SRGAP1: variants seen among roughly 807,000 people sequenced by gnomAD.
SRGAP1 encodes SLIT-ROBO Rho GTPase activating protein 1.
SRGAP1 carries 43 observed loss-of-function variants against 121.9 expected under a neutral mutation model. The ratio of observed to expected loss-of-function variants is 0.35; its 90% CI spans 0.28 to 0.46. The LOEUF (loss-of-function observed/expected upper bound fraction) is 0.46, where lower values mean the gene tolerates loss of function less well. SRGAP1 is among the 20% of genes least tolerant of loss of function. The pLI is 1.00. For missense variants in SRGAP1, 1,102 were observed against 1,350.9 expected (o/e 0.82, Z 2.89); for synonymous variants, 447 against 485.4 (o/e 0.92, Z 1.04).
chr12:63,968,024 G>C (rs1320746809), intron 1 of SRGAP1, among the ~76,000 whole-genome samples: 1 of 152,118 alleles, frequency 6.6e-6, no homozygotes, highest in Non-Finnish European at 1.5e-5. Context: ...TCAATTCATT[G>C]GCATCCAAGT....
chr12:63,888,971 G>T (rs1351730865), intron 1 of SRGAP1, among the ~76,000 whole-genome samples: 1 of 152,192 alleles, frequency 6.6e-6, no homozygotes, highest in Non-Finnish European at 1.5e-5. Context: ...GTCGATGAGG[G>T]TGCAGGCCTG....
intron 10 of SRGAP1, among the ~76,000 whole-genome samples, chr12:64,085,350 T>G (rs1317940186): frequency 6.6e-6 from 1 of 152,212 alleles, no homozygotes; most frequent in Non-Finnish European, 1.5e-5. Flanking sequence ...ATATATTGCA[T>G]CATACCTAAT....
At chr12:64,014,298 G>GA (rs2034340645) in intron 3 of SRGAP1, among the ~76,000 whole-genome samples, 1 of 152,126 alleles carries the variant, frequency 6.6e-6, no homozygotes, top group Non-Finnish European at 1.5e-5. Flanking sequence ...GGCCTCTGGG[G>GA]AATGACAAAA....
intron 1 of SRGAP1, among the ~76,000 whole-genome samples, chr12:63,907,244 A>G (rs1184522540): frequency 6.6e-6 from 1 of 152,168 alleles, no homozygotes; most frequent in Non-Finnish European, 1.5e-5. Context: ...TGCCCATTTT[A>G]AAATTGAGTT....
intron 4 of SRGAP1, among the ~76,000 whole-genome samples, chr12:64,034,852 CTG>C (rs2034862960): frequency 6.6e-6 from 1 of 152,124 alleles, no homozygotes; most frequent in Non-Finnish European, 1.5e-5. Flanking sequence ...ACTACTCAAA[CTG>C]AATTGTCCTA....
intron 2 of SRGAP1, among the ~76,000 whole-genome samples, chr12:63,987,973 A>G (rs1262049051): frequency 6.6e-6 from 1 of 152,226 alleles, no homozygotes; most frequent in Non-Finnish European, 1.5e-5. Context: ...TAACTGAGGC[A>G]CAGAGCAGTT....
At chr12:64,041,572 C>T (rs750621894) in intron 4 of SRGAP1, among the ~76,000 whole-genome samples, 4 of 151,482 alleles carry the variant, frequency 2.6e-5, no homozygotes, top group Non-Finnish European at 4.4e-5. Context: ...TTTGTAGAGA[C>T]GGTCCCGCTG....
intron 18 of SRGAP1, among the ~76,000 whole-genome samples, chr12:64,122,952 A>G (rs1417970571): frequency 2.0e-5 from 3 of 152,222 alleles, no homozygotes; most frequent in Non-Finnish European, 4.4e-5. Context: ...TGATTGTGCA[A>G]TTATAATAAA....
At chr12:64,030,560 A>C (rs2034753471) in intron 4 of SRGAP1, among the ~76,000 whole-genome samples, 1 of 152,238 alleles carries the variant, frequency 6.6e-6, no homozygotes, top group African/African-American at 2.4e-5. Context: ...AATTTATGTT[A>C]ACATTTAAAA....
intron 21 of SRGAP1, among the ~76,000 whole-genome samples, chr12:64,133,018 G>A (rs2036808744): frequency 6.6e-6 from 1 of 152,240 alleles, no homozygotes; most frequent in African/African-American, 2.4e-5. Flanking sequence ...TACAGCAGCT[G>A]CACTTGGAGT....
chr12:63,990,752 C>T (rs2033537412), intron 3 of SRGAP1, among the ~76,000 whole-genome samples: 1 of 152,054 alleles, frequency 6.6e-6, no homozygotes, highest in African/African-American at 2.4e-5. Context: ...AGGGTAAATG[C>T]CTTGAATTCT....
chr12:64,036,365 C>T (rs1565650740), intron 4 of SRGAP1, among the ~76,000 whole-genome samples: 1 of 152,220 alleles, frequency 6.6e-6, no homozygotes, highest in East Asian at 1.9e-4. Context: ...GTGGTATTAC[C>T]CCAGTGGTTT....
At chr12:63,884,837 A>G in intron 1 of SRGAP1, among the ~76,000 whole-genome samples, 1 of 148,944 alleles carries the variant, frequency 6.7e-6, no homozygotes, top group South Asian at 2.1e-4. Flanking sequence ...CTCCTGCCTC[A>G]GCCTCCGGAG....
rs763596478 is a variant in SRGAP1, at chr12:64,080,323, C to T, written c.1361C>T (p.Thr454Ile). 5 of 1,613,726 alleles carry T rather than the reference C, an allele frequency of 3.1e-6. No individual in the cohort carries two copies. Among genetic ancestry groups the T allele is most frequent in the Non-Finnish European group, 4.2e-6 (5 of 1,179,926 alleles). ...TATTTGGAAGGCAGTAATCTCATCA[C>T]AAAACTTCAAGCCAAACATGACTTG... ...REYLEGSNLI[T>I]KLQAKHDLLQ... Residue 454 changes from threonine (T) to isoleucine (I), a missense_variant, in exon 10 of 22, where the codon ACA becomes ATA. By Grantham distance (89) the Thr-to-Ile change is moderately conservative. This residue lies in a region of SRGAP1 where 747 missense variants were observed against 929.4 expected (regional missense o/e 0.80). Transcript: ENST00000355086.
In SRGAP1 at chr12:63,901,784, A is replaced by G. The variant is rs565061348; in HGVS notation, c.67+56901A>G. On this transcript the variant is annotated intron_variant, in intron 1 of 21. Transcript: ENST00000355086. ...TACAAATTAATGAGATTTTAAAATTAACTGGATTATCATCAAGTTTCTACC... is the reference window on the plus strand; with the variant it reads ...TACAAATTAATGAGATTTTAAAATTGACTGGATTATCATCAAGTTTCTACC... Among the ~76,000 whole-genome samples, 4 of 152,354 alleles carry G rather than the reference A, an allele frequency of 2.6e-5. No individual in the cohort carries two copies. The South Asian group carries it at 8.3e-4, about 32-fold the overall frequency.
intron 18 of SRGAP1, chr12:64,116,118 G>A (rs145034405): frequency 1.3e-5 from 6 of 462,362 alleles, no homozygotes; most frequent in East Asian, 4.2e-5. Flanking sequence ...TTAGCCAGGC[G>A]TGGTGATGTG....
intron 8 of SRGAP1, among the ~76,000 whole-genome samples, chr12:64,072,705 C>G (rs1184279716): frequency 6.6e-6 from 1 of 152,186 alleles, no homozygotes; most frequent in African/African-American, 2.4e-5. Context: ...ATCTAGCCTC[C>G]CACACTGTGA....
intron 10 of SRGAP1, among the ~76,000 whole-genome samples, chr12:64,086,790 T>C (rs1236026463): frequency 4.0e-5 from 6 of 151,156 alleles, no homozygotes; most frequent in African/African-American, 1.5e-4. Flanking sequence ...ATCTATAGAA[T>C]TTATTAAATT....
At chr12:64,044,842 G>A (rs1260470264) in intron 6 of SRGAP1, among the ~76,000 whole-genome samples, 1 of 151,608 alleles carries the variant, frequency 6.6e-6, no homozygotes, top group Non-Finnish European at 1.5e-5. Context: ...TACCACACAG[G>A]CTAATTTTTG....
Sources: allele counts gnomAD v4.1 joint callset (sites outside exome capture counted in the v4.1 genomes callset), GRCh38; gene constraint gnomAD v4.1.1; regional missense constraint gnomAD v4.1.1; transcripts MANE v1.5; gene names NCBI Gene and HGNC (gene_info 2026-07-23, HGNC 2026-07-21).